SGSM1: variants seen among roughly 807,000 people sequenced by gnomAD.
The protein encoded by SGSM1 is RUN and TBC1 domain containing 2.
Under a neutral mutation model 133.8 loss-of-function variants are expected in SGSM1, and 73 were observed. That is an observed-to-expected ratio of 0.55 (90% confidence interval 0.45 to 0.66). The LOEUF is 0.66. Among genes scored for constraint, SGSM1 ranks in the 30% least tolerant of loss-of-function variants. The pLI, the probability that SGSM1 is intolerant of heterozygous loss-of-function variation, is 0.00. For synonymous variants in SGSM1, 563 were observed against 573.0 expected (o/e 0.98, Z 0.25); for missense variants, 1,213 against 1,448.1 (o/e 0.84, Z 2.64).
intron 2 of SGSM1, among the ~76,000 whole-genome samples, chr22:24,834,184 T>C (rs1929291767): frequency 6.6e-6 from 1 of 152,234 alleles, no homozygotes; most frequent in Admixed American, 6.5e-5. Flanking sequence ...CCAGCCACTG[T>C]GTATGGGAGT....
chr22:24,897,657 C>T (rs182722227), intron 18 of SGSM1, among the ~76,000 whole-genome samples: 1 of 152,220 alleles, frequency 6.6e-6, no homozygotes, highest in East Asian at 1.9e-4. Flanking sequence ...TTTGCAGAGA[C>T]CAGGTTTCAC....
chr22:24,850,474 A>G (rs762466684), intron 5 of SGSM1, 42 bp downstream of exon 5: 1 of 1,594,848 alleles, frequency 6.3e-7, no homozygotes, highest in Non-Finnish European at 8.6e-7. Context: ...CTCTGCCCCC[A>G]CCTGCCGGCC....
chr22:24,902,422 G>A (rs1395975239), intron 20 of SGSM1, among the ~76,000 whole-genome samples: 2 of 152,196 alleles, frequency 1.3e-5, no homozygotes, highest in African/African-American at 4.8e-5. Context: ...GGAAGCTGAC[G>A]TGGGAGGATC....
chr22:24,835,312 C>T (rs1466533849), intron 2 of SGSM1, among the ~76,000 whole-genome samples: 1 of 152,098 alleles, frequency 6.6e-6, no homozygotes, highest in Non-Finnish European at 1.5e-5. Flanking sequence ...TTACCTGCGT[C>T]GCCTCATCTA....
intron 4 of SGSM1, among the ~76,000 whole-genome samples, chr22:24,848,659 G>T (rs2147841437): frequency 6.6e-6 from 1 of 152,378 alleles, no homozygotes; most frequent in African/African-American, 2.4e-5. Flanking sequence ...ATTCGGTGCT[G>T]GTGGCTTCCC....
intron 17 of SGSM1, among the ~76,000 whole-genome samples, chr22:24,894,079 C>G (rs1427590951): frequency 3.9e-5 from 6 of 152,188 alleles, no homozygotes; most frequent in Non-Finnish European, 8.8e-5. Context: ...AGTTTAATAG[C>G]CCAAAGTAGG....
intron 16 of SGSM1, among the ~76,000 whole-genome samples, chr22:24,889,227 TG>T (rs1477218502): frequency 1.3e-5 from 2 of 152,106 alleles, no homozygotes; most frequent in Non-Finnish European, 2.9e-5. Flanking sequence ...CCCAAAGTGC[TG>T]GGATTACAGG....
At chr22:24,875,812 AAAAT>A (rs1446131454) in intron 12 of SGSM1, among the ~76,000 whole-genome samples, 3 of 152,220 alleles carry the variant, frequency 2.0e-5, no homozygotes, top group East Asian at 3.8e-4. Context: ...CTGAGAAAGA[AAAAT>A]AAATAAAGGA....
At chr22:24,873,621 C>T (rs1569157743) in intron 12 of SGSM1, among the ~76,000 whole-genome samples, 1 of 152,028 alleles carries the variant, frequency 6.6e-6, no homozygotes, top group Non-Finnish European at 1.5e-5. Flanking sequence ...GAGGCTGAGG[C>T]GGGAGGATGG....
At chr22:24,907,648 G>A (rs1259654997) in intron 21 of SGSM1, among the ~76,000 whole-genome samples, 1 of 151,840 alleles carries the variant, frequency 6.6e-6, no homozygotes, top group Non-Finnish European at 1.5e-5. Flanking sequence ...ATGTTGGCCG[G>A]GCGCAGTGTC....
chr22:24,919,384 T>C (rs958077214), intron 23 of SGSM1, among the ~76,000 whole-genome samples: 1 of 152,076 alleles, frequency 6.6e-6, no homozygotes, highest in Non-Finnish European at 1.5e-5. Context: ...CTATTCTTTC[T>C]CTTCACTAGA....
chr22:24,886,549 C>A, intron 15 of SGSM1, 51 bp from the exon 16 acceptor site: 2 of 1,539,540 alleles, frequency 1.3e-6, no homozygotes, highest in South Asian at 1.2e-5. Context: ...ACTAAAACCA[C>A]CCCCTGGTTT....
chr22:24,893,686 G>C, intron 17 of SGSM1, 73 bp downstream of exon 17: 2 of 1,416,290 alleles, frequency 1.4e-6, no homozygotes, highest in Non-Finnish European at 9.3e-7. Context: ...GCTGTTCTAA[G>C]AGTGGTGAAG....
Position 24,855,247 on chromosome 22 carries a change from C to A in SGSM1, c.524-38C>A, listed in dbSNP as rs369501635. 3.8e-6 allele frequency: 6 copies of A among 1,589,162 alleles called. No homozygotes were observed. The African/African-American group carries it at 8.1e-5, about 21-fold the overall frequency. On this transcript the variant is annotated intron_variant, in intron 6 of 24. Coordinates refer to ENST00000400358, the MANE Select transcript of SGSM1 (RefSeq NM_001098497.3). Reference sequence around the variant, plus strand: ...GCTGGTAGACATGCGGGAGGACTTTCCGGGGCAGTGGGTTTCCAGCCCCCA... The same window carrying A: ...GCTGGTAGACATGCGGGAGGACTTTACGGGGCAGTGGGTTTCCAGCCCCCA...
chr22:24,898,685 A>C, intron 19 of SGSM1, 126 bp downstream of exon 19: 1 of 933,514 alleles, frequency 1.1e-6, no homozygotes, highest in Non-Finnish European at 1.6e-6. Context: ...TTTTTCCGTC[A>C]TGGAGGATTC....
intron 19 of SGSM1, among the ~76,000 whole-genome samples, chr22:24,900,558 C>T (rs1022794731): frequency 3.9e-5 from 6 of 151,938 alleles, no homozygotes; most frequent in Admixed American, 2.0e-4. Flanking sequence ...CACCCACGCC[C>T]GGCTGATTTT....
chr22:24,893,899 C>T (rs1932859634), intron 17 of SGSM1, among the ~76,000 whole-genome samples: 1 of 152,210 alleles, frequency 6.6e-6, no homozygotes, highest in African/African-American at 2.4e-5. Context: ...GGTTCGTGTA[C>T]AGTCCAAACA....
intron 14 of SGSM1, 101 bp downstream of exon 14, chr22:24,879,627 C>G: frequency 1.8e-6 from 2 of 1,101,320 alleles, no homozygotes; most frequent in Non-Finnish European, 2.6e-6. Context: ...GAGTTTGAAC[C>G]TCTCCTCCTC....
At chr22:24,893,754 C>A in intron 17 of SGSM1, 141 bp downstream of exon 17, 1 of 962,674 alleles carries the variant, frequency 1.0e-6, no homozygotes, top group Non-Finnish European at 1.4e-6. Flanking sequence ...TAAGAGTGTG[C>A]GGTGACTTTG....
Sources: gnomAD v4.1 joint callset for allele counts (sites outside exome capture counted in the v4.1 genomes callset) on GRCh38, gnomAD v4.1.1 for gene constraint, MANE v1.5 for transcripts, NCBI Gene and HGNC (gene_info 2026-07-23, HGNC 2026-07-21) for gene names.